ADAM32: variants seen among roughly 807,000 people sequenced by gnomAD.
The protein encoded by ADAM32 is disintegrin and metalloproteinase domain-containing protein 32.
A neutral mutation model predicts 114.9 loss-of-function variants in ADAM32; 89 were observed. That is an observed-to-expected ratio of 0.77 (90% confidence interval 0.65 to 0.92). The LOEUF (loss-of-function observed/expected upper bound fraction) is 0.92. Among genes scored for constraint, ADAM32 ranks in the 40% least tolerant of loss-of-function variants. ADAM32 has a pLI of 0.00. For missense variants in ADAM32, 870 were observed against 932.8 expected (o/e 0.93, Z 0.88); for synonymous variants, 285 against 307.5 (o/e 0.93, Z 0.77).
chr8:39,117,157 C>T lies in ADAM32; in HGVS notation c.59-929C>T, dbSNP rs371144308. Among the ~76,000 whole-genome samples the T allele has an allele frequency of 3.9e-3, 589 of 152,330 alleles. 6 individuals carry two copies. The highest frequency in any genetic ancestry group is 0.014 in the African/African-American group (563 of 41,580). The stretch of plus-strand genomic sequence containing the variant: ...TTGGCCTCCCAAAGTGCTGGGATTA[C>T]AGGCATGAGCCACCATGCCCGGCCC... On this transcript the variant is annotated intron_variant, in intron 1 of 24. Transcript: ENST00000379907.
At chr8:39,140,351 GT>G (rs1315750586) in intron 3 of ADAM32, among the ~76,000 whole-genome samples, 6 of 152,130 alleles carry the variant, frequency 3.9e-5, no homozygotes, top group African/African-American at 1.4e-4. Context: ...TTTATTGAGA[GT>G]TTTTAGCATG....
chr8:39,216,061 C>G (rs920574128), intron 12 of ADAM32, among the ~76,000 whole-genome samples: 3 of 151,944 alleles, frequency 2.0e-5, no homozygotes, highest in African/African-American at 7.2e-5. Flanking sequence ...ATAATATTTG[C>G]TTTATATATC....
chr8:39,130,370 T>C (rs1332991570), intron 2 of ADAM32, among the ~76,000 whole-genome samples: 1 of 152,206 alleles, frequency 6.6e-6, no homozygotes, highest in Non-Finnish European at 1.5e-5. Context: ...TCTTTGTTTT[T>C]TTGTTTTCAT....
At chr8:39,176,569 G>A (rs1019190167) in intron 10 of ADAM32, among the ~76,000 whole-genome samples, 4 of 152,114 alleles carry the variant, frequency 2.6e-5, no homozygotes, top group Admixed American at 1.3e-4. Flanking sequence ...TATGATTACA[G>A]TTCTTTTGCA....
At chr8:39,155,036 C>G (rs991157603) in intron 6 of ADAM32, among the ~76,000 whole-genome samples, 1 of 152,100 alleles carries the variant, frequency 6.6e-6, no homozygotes, top group African/African-American at 2.4e-5. Flanking sequence ...CTCCTTCATG[C>G]TAAAAGCGCT....
At chr8:39,226,050 TA>T (rs573213228) in intron 14 of ADAM32, among the ~76,000 whole-genome samples, 63 of 151,216 alleles carry the variant, frequency 4.2e-4, no homozygotes, top group Middle Eastern at 3.4e-3. Flanking sequence ...TACATTTTTA[TA>T]AAAAAAAATC....
chr8:39,194,989 A>AG (rs1806867872), intron 11 of ADAM32, among the ~76,000 whole-genome samples: 1 of 152,124 alleles, frequency 6.6e-6, no homozygotes, highest in Non-Finnish European at 1.5e-5. Context: ...CTGGGATTCC[A>AG]GGGGCCTGTG....
In ADAM32 at chr8:39,230,426, G is replaced by C. The variant is rs184425951; in HGVS notation, c.1526-1601G>C. Among the ~76,000 whole-genome samples, 870 of 152,268 alleles carry C rather than the reference G, an allele frequency of 5.7e-3. 6 individuals are homozygous for C. Among genetic ancestry groups the C allele is most frequent in the South Asian group, 0.012 (60 of 4,824 alleles). On this transcript the variant is annotated intron_variant, in intron 14 of 24. Transcript: ENST00000379907. The stretch of plus-strand genomic sequence containing the variant: ...ACACGTAGACTAATAAAATTGAGTT[G>C]GTTGGCGACTATACTTTCAGCAGAA...
At chr8:39,112,939 G>T (rs1333644905) in intron 1 of ADAM32, among the ~76,000 whole-genome samples, 2 of 152,168 alleles carry the variant, frequency 1.3e-5, no homozygotes, top group East Asian at 3.8e-4. Context: ...CCCTGTGTGT[G>T]CTTCCATTTT....
chr8:39,232,009 T>C lies in ADAM32; in HGVS notation c.1526-18T>C. On this transcript the variant is annotated intron_variant, in intron 14 of 24. Transcript: ENST00000379907. ...ACCAATAAACATTTTAATCCAAATG[T>C]ATTTCTAACTTTAACAGGTTCAAGA... 6.4e-7 allele frequency: 1 copy of C among 1,563,252 alleles called. No homozygotes were observed. Among genetic ancestry groups the C allele is most frequent in the South Asian group, 1.1e-5 (1 of 88,008 alleles).
At chr8:39,129,594 A>G (rs1802321249) in intron 2 of ADAM32, among the ~76,000 whole-genome samples, 1 of 152,150 alleles carries the variant, frequency 6.6e-6, no homozygotes, top group Non-Finnish European at 1.5e-5. Context: ...TTGTCTGCTA[A>G]TATTTCAAGA....
chr8:39,219,298 G>A (rs561361029), intron 12 of ADAM32, among the ~76,000 whole-genome samples: 14 of 152,070 alleles, frequency 9.2e-5, no homozygotes, highest in Non-Finnish European at 1.6e-4. Flanking sequence ...CTGCAGTCTG[G>A]CTTAGAGCCC....
Position 39,223,065 on chromosome 8 carries a change from G to T in ADAM32, c.1352G>T (p.Arg451Met). Reference sequence around the variant, plus strand: ...ATTTTACAATCAGGCGTTGAATGTAGGCCGAAAGCACATCCTGAATGTGAC... The same window carrying T: ...ATTTTACAATCAGGCGTTGAATGTATGCCGAAAGCACATCCTGAATGTGAC... Reference protein sequence around the residue: ...CQILQSGVECRPKAHPECDIA... With the variant: ...CQILQSGVECMPKAHPECDIA... The change falls in exon 14 of 25, where the codon AGG becomes ATG. Residue 451 changes from arginine (R) to methionine (M), a missense_variant. Physicochemically the swap from Arg to Met is moderately conservative, Grantham distance 91. Transcript: ENST00000379907. 2 of 1,586,950 alleles carry T rather than the reference G, an allele frequency of 1.3e-6. No homozygotes were observed. Among genetic ancestry groups the T allele is most frequent in the Non-Finnish European group, 1.7e-6 (2 of 1,167,370 alleles).
intron 10 of ADAM32, among the ~76,000 whole-genome samples, chr8:39,174,483 A>G (rs1805389917): frequency 6.6e-6 from 1 of 150,482 alleles, no homozygotes; most frequent in African/African-American, 2.4e-5. Context: ...TTTTTGCCTC[A>G]GTTTCCTTAT....
intron 20 of ADAM32, among the ~76,000 whole-genome samples, chr8:39,271,743 A>G (rs1445780588): frequency 6.6e-6 from 1 of 152,204 alleles, no homozygotes; most frequent in African/African-American, 2.4e-5. Flanking sequence ...AGAGTGGGGA[A>G]GAGTCAATAT....
In ADAM32 at chr8:39,160,977, G is replaced by A. The variant is rs1463194548; in HGVS notation, c.594+12G>A. 1.9e-6 allele frequency: 3 copies of A among 1,565,476 alleles called. No individual in the cohort carries two copies. Among genetic ancestry groups the A allele is most frequent in the Non-Finnish European group, 1.7e-6 (2 of 1,156,132 alleles). On this transcript the variant is annotated intron_variant, in intron 7 of 24. Transcript: ENST00000379907. ...TGGACAAAACTTTGGTATGTGTTTT[G>A]CTTTTTCTTTGCTTTGAAATATTTG...
chr8:39,232,687 A>G (rs563343209), intron 15 of ADAM32, among the ~76,000 whole-genome samples: 21 of 152,280 alleles, frequency 1.4e-4, no homozygotes, highest in Non-Finnish European at 2.1e-4. Context: ...ACTTTTGTTT[A>G]GAAATACTTC....
At chr8:39,130,801 A>T (rs1802398874) in intron 2 of ADAM32, 2 of 442,686 alleles carry the variant, frequency 4.5e-6, no homozygotes, top group Non-Finnish European at 9.0e-6. Context: ...TGTGGCCTAG[A>T]ATATGGTCAA....
chr8:39,187,007 A>G lies in ADAM32; in HGVS notation c.1014A>G (p.Gln338=), dbSNP rs751032568. The part of the protein sequence containing the change: ...GISYDDPKKC[Q]CSESTCIMNP... ...CATATGACGACCCAAAGAAATGTCAATGTTCAGAATCCACCTGTATAATGA... is the reference window on the plus strand; with the variant it reads ...CATATGACGACCCAAAGAAATGTCAGTGTTCAGAATCCACCTGTATAATGA... The change falls in exon 11 of 25, where the codon CAA becomes CAG. Residue 338 remains glutamine (Q), a synonymous_variant. Transcript: ENST00000379907. 1.1e-5 allele frequency: 17 copies of G among 1,612,870 alleles called. No individual in the cohort carries two copies. The highest frequency in any genetic ancestry group is 1.6e-4 in the Middle Eastern group (1 of 6,080).
Sources: allele counts gnomAD v4.1 joint callset (sites outside exome capture counted in the v4.1 genomes callset), GRCh38; gene constraint gnomAD v4.1.1; transcripts MANE v1.5; gene names NCBI Gene and HGNC (gene_info 2026-07-23, HGNC 2026-07-21).